Variants in CRYBG1 observed in about 807,000 individuals in gnomAD.
The protein encoded by CRYBG1 is crystallin beta-gamma domain containing 1, also known as beta/gamma crystallin domain-containing protein 1.
Under a neutral mutation model 189.2 loss-of-function variants are expected in CRYBG1, and 139 were observed. The ratio of observed to expected loss-of-function variants is 0.73; its 90% CI spans 0.64 to 0.85. The LOEUF is 0.85. Ranked by LOEUF, CRYBG1 falls within the 40% of genes least tolerant of loss-of-function variation. The pLI is 0.00. For missense variants in CRYBG1, 2,611 were observed against 2,675.8 expected (o/e 0.98, Z 0.53); for synonymous variants, 1,023 against 1,017.1 (o/e 1.01, Z -0.11).
intron 3 of CRYBG1, among the ~76,000 whole-genome samples, chr6:106,513,985 T>G (rs750999766): frequency 5.3e-5 from 8 of 152,240 alleles, no homozygotes; most frequent in African/African-American, 9.6e-5. Context: ...CCTGAAATTT[T>G]TATAGCCCCA....
At chr6:106,451,290 C>G (rs1222409276) in intron 1 of CRYBG1, among the ~76,000 whole-genome samples, 2 of 152,144 alleles carry the variant, frequency 1.3e-5, no homozygotes, top group Non-Finnish European at 2.9e-5. Context: ...GATTCAGTTC[C>G]CACTTTATTT....
intron 1 of CRYBG1, among the ~76,000 whole-genome samples, chr6:106,433,311 C>T (rs1359490652): frequency 6.6e-6 from 1 of 152,158 alleles, no homozygotes; most frequent in Non-Finnish European, 1.5e-5. Context: ...AATCTTCATA[C>T]TGTGCACCTC....
intron 9 of CRYBG1, chr6:106,541,195 T>A: frequency 2.1e-6 from 1 of 476,294 alleles, no homozygotes; most frequent in South Asian, 1.6e-5. Context: ...AGCTGAAGGA[T>A]GAACTGAGGG....
At chr6:106,484,569 C>T (rs1290699828) in intron 2 of CRYBG1, among the ~76,000 whole-genome samples, 11 of 152,222 alleles carry the variant, frequency 7.2e-5, no homozygotes, top group Non-Finnish European at 1.3e-4. Context: ...ATCTTCCTGC[C>T]TTAGCCTCCC....
chr6:106,360,969 A>G lies in CRYBG1; in HGVS notation c.61A>G (p.Lys21Glu). The part of the protein sequence containing the change: ...PGEPSPCRPP[K>E]KHTTFHLWRS... The stretch of plus-strand genomic sequence containing the variant: ...GGAGCCCAGCCCGTGCAGGCCCCCT[A>G]AGAAGCACACCACCTTCCACCTCTG... Residue 21 changes from lysine (K) to glutamate (E), a missense_variant, in exon 1 of 22, where the codon AAG becomes GAG. Physicochemically the swap from Lys to Glu is moderately conservative, Grantham distance 56. Transcript: ENST00000633556. The G allele has an allele frequency of 2.6e-6, 4 of 1,535,132 alleles. No individual in the cohort carries two copies. The highest frequency in any genetic ancestry group is 2.6e-6 in the Non-Finnish European group (3 of 1,146,540).
chr6:106,454,011 G>T lies in CRYBG1; in HGVS notation c.312+2179G>T, dbSNP rs190373922. Among the ~76,000 whole-genome samples, 8 of 152,268 alleles carry T rather than the reference G, an allele frequency of 5.3e-5. No homozygotes were observed. In the East Asian group the frequency reaches 1.5e-3, roughly 29 times the overall value. On this transcript the variant is annotated intron_variant, in intron 2 of 21. Transcript: ENST00000633556. ...AGTGTCACTGGAATGGGGTCAGCCA[G>T]GCGCTGTCTCTACTCTCTACTCACT...
chr6:106,404,989 T>A (rs916458586), intron 1 of CRYBG1, among the ~76,000 whole-genome samples: 3 of 152,034 alleles, frequency 2.0e-5, no homozygotes, highest in Admixed American at 1.3e-4. Context: ...CCGCAGTTTT[T>A]TTTTTTTCAT....
chr6:106,477,929 C>A (rs779920815), intron 2 of CRYBG1, among the ~76,000 whole-genome samples: 4 of 152,242 alleles, frequency 2.6e-5, no homozygotes. Flanking sequence ...TGTGCCAAGG[C>A]GCCAGTTCCA....
intron 1 of CRYBG1, among the ~76,000 whole-genome samples, chr6:106,422,321 G>GTTATTTATTTATTTAT (rs10526546): frequency 0.017 from 2,421 of 142,458 alleles, 93 homozygotes; most frequent in African/African-American, 0.059. Flanking sequence ...ATAGGGTTTT[G>GTTATTTATTTATTTAT]TTATTTATTT....
intron 1 of CRYBG1, among the ~76,000 whole-genome samples, chr6:106,400,338 T>C (rs937574511): frequency 1.3e-5 from 2 of 152,314 alleles, no homozygotes; most frequent in African/African-American, 4.8e-5. Flanking sequence ...CATATAATGA[T>C]AGACATTGTC....
intron 2 of CRYBG1, among the ~76,000 whole-genome samples, chr6:106,507,837 A>G (rs539120100): frequency 2.0e-5 from 3 of 152,292 alleles, no homozygotes; most frequent in East Asian, 3.9e-4. Flanking sequence ...TGCTCAGATG[A>G]TCCTGTTTGG....
chr6:106,415,833 G>A (rs1752023000), intron 1 of CRYBG1, among the ~76,000 whole-genome samples: 1 of 152,168 alleles, frequency 6.6e-6, no homozygotes, highest in African/African-American at 2.4e-5. Flanking sequence ...TTGGGATGAG[G>A]TACAGGCACT....
chr6:106,543,702 G>C (rs1373458252), intron 11 of CRYBG1, 105 bp downstream of exon 11: 1 of 1,278,888 alleles, frequency 7.8e-7, no homozygotes, highest in African/African-American at 1.5e-5. Flanking sequence ...CTATAGTATG[G>C]TGAATTTTGA....
chr6:106,371,452 C>G (rs1770029347), intron 1 of CRYBG1, among the ~76,000 whole-genome samples: 1 of 152,232 alleles, frequency 6.6e-6, no homozygotes. Flanking sequence ...GCTTCTTTCC[C>G]CACTGTTGGC....
chr6:106,435,408 TC>T (rs1415104523), intron 1 of CRYBG1, among the ~76,000 whole-genome samples: 1 of 152,096 alleles, frequency 6.6e-6, no homozygotes, highest in Admixed American at 6.6e-5. Flanking sequence ...GATATGATGC[TC>T]CTGCCTTGGC....
intron 1 of CRYBG1, among the ~76,000 whole-genome samples, chr6:106,447,547 A>AATATATATATATATATATATATCTAT (rs1771686853): frequency 1.4e-5 from 2 of 141,058 alleles, no homozygotes; most frequent in East Asian, 4.3e-4. Flanking sequence ...GTACCTCATA[A>AATATATATATATATATATATATCTAT]ATATATATAT....
At chr6:106,377,269 A>G (rs916707605) in intron 1 of CRYBG1, among the ~76,000 whole-genome samples, 1 of 151,672 alleles carries the variant, frequency 6.6e-6, no homozygotes, top group Admixed American at 6.6e-5. Flanking sequence ...TGTAGAAAGC[A>G]CTCTCAGGGT....
chr6:106,498,622 C>T (rs769468913), intron 2 of CRYBG1, among the ~76,000 whole-genome samples: 1 of 152,138 alleles, frequency 6.6e-6, no homozygotes, highest in Non-Finnish European at 1.5e-5. Flanking sequence ...CACCTGTAAT[C>T]CTAGCAGTTT....
intron 1 of CRYBG1, among the ~76,000 whole-genome samples, chr6:106,390,164 G>T (rs1770473886): frequency 6.6e-6 from 1 of 151,998 alleles, no homozygotes; most frequent in African/African-American, 2.4e-5. Flanking sequence ...GCATTAAGAT[G>T]AATCATTTAT....
Sources: allele counts gnomAD v4.1 joint callset (sites outside exome capture counted in the v4.1 genomes callset), GRCh38; gene constraint gnomAD v4.1.1; transcripts MANE v1.5; gene names NCBI Gene and HGNC (gene_info 2026-07-23, HGNC 2026-07-21).